Variants in RNF130 observed in about 807,000 individuals in gnomAD.
The protein encoded by RNF130 is ring finger protein 130.
RNF130 carries 21 observed loss-of-function variants against 44.6 expected under a neutral mutation model. The ratio of observed to expected loss-of-function variants is 0.47; its 90% CI spans 0.33 to 0.68. RNF130 has a LOEUF of 0.68. RNF130 is among the 30% of genes least tolerant of loss of function. RNF130 has a pLI of 0.02. For missense variants in RNF130, 479 were observed against 560.6 expected (o/e 0.85, Z 1.47); for synonymous variants, 214 against 210.4 (o/e 1.02, Z -0.15).
chr5:179,927,857 T>C (rs1242171960), intron 7 of RNF130, among the ~76,000 whole-genome samples: 1 of 152,170 alleles, frequency 6.6e-6, no homozygotes, highest in Non-Finnish European at 1.5e-5. Context: ...CCCAAAGTGC[T>C]GGGATTACAA....
At chr5:180,017,396 C>G (rs1582192873) in intron 2 of RNF130, among the ~76,000 whole-genome samples, 1 of 152,084 alleles carries the variant, frequency 6.6e-6, no homozygotes, top group Non-Finnish European at 1.5e-5. Flanking sequence ...ATGTTTTCCT[C>G]TTAATTAATA....
chr5:180,034,950 G>T (rs1334384863), intron 2 of RNF130, among the ~76,000 whole-genome samples: 3 of 152,082 alleles, frequency 2.0e-5, no homozygotes, highest in African/African-American at 4.8e-5. Flanking sequence ...CTTTTTTATT[G>T]TTGGTCAGTC....
chr5:180,042,167 G>A (rs980154352), intron 1 of RNF130, among the ~76,000 whole-genome samples: 10 of 152,142 alleles, frequency 6.6e-5, no homozygotes, highest in Non-Finnish European at 1.3e-4. Flanking sequence ...ATGCTTACAC[G>A]ACTTAAATTG....
chr5:180,029,851 T>TG (rs1169843638), intron 2 of RNF130, among the ~76,000 whole-genome samples: 3 of 61,256 alleles, frequency 4.9e-5, no homozygotes, highest in African/African-American at 2.0e-4. Context: ...ACTATCCACC[T>TG]CTTTTTTTTT....
At chr5:180,003,396 C>A (rs1288094845) in intron 3 of RNF130, among the ~76,000 whole-genome samples, 1 of 152,158 alleles carries the variant, frequency 6.6e-6, no homozygotes, top group African/African-American at 2.4e-5. Flanking sequence ...AATCAGAGAC[C>A]TACAAATATT....
At chr5:180,030,751 T>C (rs1457808689) in intron 2 of RNF130, among the ~76,000 whole-genome samples, 2 of 152,228 alleles carry the variant, frequency 1.3e-5, no homozygotes, top group Non-Finnish European at 2.9e-5. Flanking sequence ...CTCTGTATGT[T>C]TGACTTTCTT....
At chr5:179,946,629 C>T (rs1165552140) in intron 7 of RNF130, among the ~76,000 whole-genome samples, 1 of 151,416 alleles carries the variant, frequency 6.6e-6, no homozygotes, top group Non-Finnish European at 1.5e-5. Context: ...TCTTGGCTCA[C>T]TGCAAGCTCC....
At chr5:179,922,987 C>T (rs152236) in intron 7 of RNF130, among the ~76,000 whole-genome samples, 71,368 of 151,868 alleles carry the variant, frequency 0.47, 17,414 homozygotes, top group East Asian at 0.75. Flanking sequence ...TATTTCCTCC[C>T]AGTCTGTGAC....
chr5:179,996,527 G>T (rs2113045462), intron 3 of RNF130, among the ~76,000 whole-genome samples: 1 of 152,306 alleles, frequency 6.6e-6, no homozygotes, highest in East Asian at 1.9e-4. Context: ...TTCATATCAT[G>T]AAGCCACTTA....
chr5:180,062,111 G>A (rs1308691364), intron 1 of RNF130, among the ~76,000 whole-genome samples: 1 of 149,204 alleles, frequency 6.7e-6, no homozygotes, highest in Non-Finnish European at 1.5e-5. Flanking sequence ...CTGGAGTGCA[G>A]TGGCACGACC....
chr5:179,959,483 C>T (rs1454783894), intron 8 of RNF130, among the ~76,000 whole-genome samples: 1 of 152,040 alleles, frequency 6.6e-6, no homozygotes, highest in Non-Finnish European at 1.5e-5. Flanking sequence ...AAAAAATTAG[C>T]TGGGCGTGGT....
At chr5:179,920,226 C>A in exon 8 of RNF130, 3 of 631,524 alleles carry the variant, frequency 4.8e-6, no homozygotes, top group Non-Finnish European at 5.8e-6. Context: ...TCTTCCAAAA[C>A]GGATGCTGAC....
intron 7 of RNF130, among the ~76,000 whole-genome samples, chr5:179,927,711 C>A (rs1019138676): frequency 2.0e-5 from 3 of 151,554 alleles, no homozygotes; most frequent in African/African-American, 4.9e-5. Context: ...GCCTCAGTCT[C>A]CTGAGTATGG....
chr5:179,968,225 G>A (rs1290069834), intron 6 of RNF130, among the ~76,000 whole-genome samples: 1 of 152,122 alleles, frequency 6.6e-6, no homozygotes, highest in East Asian at 1.9e-4. Context: ...AACCCAGGAG[G>A]CGGAGCTTGC....
At chr5:179,991,171 G>A (rs1763075041) in intron 3 of RNF130, among the ~76,000 whole-genome samples, 1 of 152,158 alleles carries the variant, frequency 6.6e-6, no homozygotes, top group Non-Finnish European at 1.5e-5. Context: ...GAGAAAGTCT[G>A]TTGTTTGTCT....
chr5:179,956,739 G>T (rs772173387), intron 8 of RNF130, among the ~76,000 whole-genome samples: 1 of 152,220 alleles, frequency 6.6e-6, no homozygotes, highest in Non-Finnish European at 1.5e-5. Context: ...CCGCAGGCAT[G>T]ACCCAGAAGG....
chr5:180,015,451 A>AGTAGGGAAAGGAGTAGGGAAAGGT lies in RNF130; in HGVS notation c.443-2141_443-2140insACCTTTCCCTACTCCTTTCCCTAC, dbSNP rs2113090758. ...TCTTGAAGACTCAAGCTGGAAAAGG[A>AGTAGGGAAAGGAGTAGGGAAAGGT]GTAGGGAAAGGAGTAGGGAAAGGAG... On this transcript the variant is annotated intron_variant, in intron 2 of 8. Transcript: ENST00000521389. 7 of 440,518 alleles carry AGTAGGGAAAGGAGTAGGGAAAGGT rather than the reference A, an allele frequency of 1.6e-5. No homozygotes were observed. The African/African-American group carries it at 1.7e-4, about 11-fold the overall frequency. The allele number at this position is 440,518 out of a possible 1,614,324, so 27.3% of individuals were successfully genotyped here. A position where few individuals can be genotyped will look rare whatever the true frequency, so the allele number is the denominator to read the frequency against.
At chr5:180,004,902 T>C (rs1763427851) in intron 3 of RNF130, among the ~76,000 whole-genome samples, 1 of 152,208 alleles carries the variant, frequency 6.6e-6, no homozygotes. Context: ...GTCTGCACCC[T>C]CCTTCATTCA....
intron 3 of RNF130, among the ~76,000 whole-genome samples, chr5:180,005,970 C>T (rs1763454733): frequency 6.6e-6 from 1 of 152,150 alleles, no homozygotes; most frequent in South Asian, 2.1e-4. Flanking sequence ...TCTTAAGCCC[C>T]TGACATGTAA....
Sources: allele counts gnomAD v4.1 joint callset (sites outside exome capture counted in the v4.1 genomes callset), GRCh38; gene constraint gnomAD v4.1.1; transcripts MANE v1.5; gene names NCBI Gene and HGNC (gene_info 2026-07-23, HGNC 2026-07-21).